ARHGAP24: variants seen among roughly 807,000 people sequenced by gnomAD.
ARHGAP24 encodes Rho GTPase activating protein 24.
ARHGAP24 carries 50 observed loss-of-function variants against 76.4 expected under a neutral mutation model. The observed-to-expected ratio is 0.65, with a 90% CI of 0.52 to 0.83. The LOEUF (loss-of-function observed/expected upper bound fraction) is 0.83. Among genes scored for constraint, ARHGAP24 ranks in the 40% least tolerant of loss-of-function variants. The pLI, the probability that ARHGAP24 is intolerant of heterozygous loss-of-function variation, is 0.00. For synonymous variants in ARHGAP24, 345 were observed against 323.3 expected, an observed-to-expected ratio of 1.07 and a Z score of -0.72; for missense variants, 930 against 914.2, an observed-to-expected ratio of 1.02 and a Z score of -0.22.
At chr4:85,704,690 A>C (rs1724231412) in intron 2 of ARHGAP24, among the ~76,000 whole-genome samples, 1 of 152,156 alleles carries the variant, frequency 6.6e-6, no homozygotes, top group Non-Finnish European at 1.5e-5. Context: ...CATATGGCAT[A>C]TATTTCTCTT....
intron 1 of ARHGAP24, among the ~76,000 whole-genome samples, chr4:85,554,393 T>A (rs904921827): frequency 6.6e-6 from 1 of 152,212 alleles, no homozygotes; most frequent in Non-Finnish European, 1.5e-5. Context: ...TATCTTAAAA[T>A]ATGTTTTCCA....
At chr4:85,928,100 G>A (rs1006080334) in intron 4 of ARHGAP24, among the ~76,000 whole-genome samples, 28 of 152,192 alleles carry the variant, frequency 1.8e-4, no homozygotes, top group Non-Finnish European at 7.3e-5. Flanking sequence ...GAAAACCCAT[G>A]CACAGTTGCT....
intron 3 of ARHGAP24, among the ~76,000 whole-genome samples, chr4:85,728,762 A>T (rs975071322): frequency 6.6e-6 from 1 of 152,158 alleles, no homozygotes; most frequent in African/African-American, 2.4e-5. Flanking sequence ...GGAAAGAAAA[A>T]AGTTTGGCCA....
At chr4:85,564,964 A>G (rs1726774948) in intron 1 of ARHGAP24, among the ~76,000 whole-genome samples, 1 of 125,450 alleles carries the variant, frequency 8.0e-6, no homozygotes, top group Admixed American at 7.6e-5. Context: ...ATATATATAT[A>G]TATATACCCA....
rs561414980 is a variant in ARHGAP24, at chr4:85,745,027, C to T, written c.268+23055C>T. On this transcript the variant is annotated intron_variant, in intron 3 of 9. Transcript: ENST00000395184. The stretch of plus-strand genomic sequence containing the variant: ...AATGCTCTCCACTATTAATTCCAAA[C>T]AATGTTTAAATATGAGTGTGAGGTT... 1.3e-4 allele frequency among the ~76,000 whole-genome samples: 20 copies of T among 152,168 alleles called. No homozygotes were observed. In the East Asian group the frequency reaches 1.5e-3, roughly 12 times the overall value.
chr4:85,727,729 A>G (rs534628297), intron 3 of ARHGAP24, among the ~76,000 whole-genome samples: 1 of 152,288 alleles, frequency 6.6e-6, no homozygotes, highest in African/African-American at 2.4e-5. Flanking sequence ...GATATTAATC[A>G]TATGCTGGGA....
At chr4:85,737,567 A>G (rs1367463355) in intron 3 of ARHGAP24, among the ~76,000 whole-genome samples, 1 of 152,208 alleles carries the variant, frequency 6.6e-6, no homozygotes, top group Non-Finnish European at 1.5e-5. Context: ...TCTCCATGCA[A>G]AGTGCAATAT....
In ARHGAP24 at chr4:85,995,101, C is replaced by A. The variant is rs777874622; in HGVS notation, c.1447C>A (p.Arg483Ser). The change falls in exon 9 of 10, where the codon CGC becomes AGC. Residue 483 changes from arginine to serine, a missense_variant. Physicochemically the swap from Arg to Ser is moderately radical, Grantham distance 110. Coordinates refer to ENST00000395184, the MANE Select transcript of ARHGAP24 (RefSeq NM_001025616.3). ...GTHSVQNGTV[R>S]MGILNSDTLG... ...GCACAGTGTACAGAATGGAACGGTG[C>A]GCATGGGCATTTTGAACAGCGACAC... is the stretch of plus-strand genomic sequence containing the variant. The A allele has an allele frequency of 6.2e-7, 1 of 1,613,782 alleles. No homozygotes were observed. Among genetic ancestry groups the A allele is most frequent in the Non-Finnish European group, 8.5e-7 (1 of 1,180,024 alleles).
intron 5 of ARHGAP24, among the ~76,000 whole-genome samples, chr4:85,965,307 T>C (rs1053293123): frequency 6.6e-6 from 1 of 152,040 alleles, no homozygotes; most frequent in Non-Finnish European, 1.5e-5. Flanking sequence ...TTCACTATCA[T>C]GAGAACAGCA....
Position 85,862,708 on chromosome 4 carries a change from C to T in ARHGAP24, c.269-60940C>T, listed in dbSNP as rs902925342. On this transcript the variant is annotated intron_variant, in intron 3 of 9. Coordinates refer to ENST00000395184, the MANE Select transcript of ARHGAP24 (RefSeq NM_001025616.3). ...TCCAAAATGCAACTCTATGTGCACTCGCACTACCAGTTCCTTTTGCTTTCT... is the reference window on the plus strand; with the variant it reads ...TCCAAAATGCAACTCTATGTGCACTTGCACTACCAGTTCCTTTTGCTTTCT... Among the ~76,000 whole-genome samples the T allele has an allele frequency of 5.9e-5, 9 of 152,108 alleles. No homozygotes were observed. In the East Asian group the frequency reaches 1.2e-3, roughly 20 times the overall value.
chr4:85,866,557 A>G (rs889468844), intron 3 of ARHGAP24, among the ~76,000 whole-genome samples: 5 of 152,242 alleles, frequency 3.3e-5, no homozygotes, highest in Non-Finnish European at 7.4e-5. Context: ...TTTCAAGAGA[A>G]TAAAAGATTA....
chr4:85,895,994 C>T (rs1206370835), intron 3 of ARHGAP24, among the ~76,000 whole-genome samples: 2 of 152,194 alleles, frequency 1.3e-5, no homozygotes, highest in East Asian at 3.9e-4. Context: ...GAGGGTACTT[C>T]GCCATAAAGT....
At chr4:85,726,043 C>G (rs343858) in intron 3 of ARHGAP24, among the ~76,000 whole-genome samples, 1 of 152,112 alleles carries the variant, frequency 6.6e-6, no homozygotes, top group Admixed American at 6.6e-5. Flanking sequence ...CCCTCAAAAA[C>G]CAGTGCTGAT....
intron 2 of ARHGAP24, among the ~76,000 whole-genome samples, chr4:85,720,234 G>A (rs1447521956): frequency 1.3e-5 from 2 of 150,566 alleles, no homozygotes; most frequent in Non-Finnish European, 3.0e-5. Context: ...TGCACGTTGT[G>A]CACATGTACC....
intron 1 of ARHGAP24, among the ~76,000 whole-genome samples, chr4:85,534,982 C>T (rs1358749443): frequency 2.0e-5 from 3 of 150,976 alleles, no homozygotes; most frequent in Non-Finnish European, 4.4e-5. Flanking sequence ...CAAAACTTTC[C>T]TAAAGCTGTG....
At chr4:85,724,100 A>C (rs1454359667) in intron 3 of ARHGAP24, among the ~76,000 whole-genome samples, 2 of 152,184 alleles carry the variant, frequency 1.3e-5, no homozygotes, top group Non-Finnish European at 2.9e-5. Context: ...GTGGTTGGTA[A>C]TGTGTATAGA....
At chr4:85,677,572 T>C (rs1157891977) in intron 2 of ARHGAP24, among the ~76,000 whole-genome samples, 1 of 152,210 alleles carries the variant, frequency 6.6e-6, no homozygotes, top group Non-Finnish European at 1.5e-5. Flanking sequence ...TCTGATAACA[T>C]TTCAGTGGTA....
intron 3 of ARHGAP24, among the ~76,000 whole-genome samples, chr4:85,862,072 G>C (rs1452492005): frequency 6.6e-6 from 1 of 151,828 alleles, no homozygotes; most frequent in African/African-American, 2.4e-5. Context: ...TAAGTACCTT[G>C]GGTGCCTTCC....
At chr4:85,930,593 A>C in intron 4 of ARHGAP24, 1 of 1,046,796 alleles carries the variant, frequency 9.6e-7, no homozygotes, top group Non-Finnish European at 1.1e-6. Flanking sequence ...GCAAAAACCA[A>C]TTCCTGCTGT....
Sources: allele counts gnomAD v4.1 joint callset (sites outside exome capture counted in the v4.1 genomes callset), GRCh38; gene constraint gnomAD v4.1.1; transcripts MANE v1.5; gene names NCBI Gene and HGNC (gene_info 2026-07-23, HGNC 2026-07-21).